CHST9: variants seen among roughly 807,000 people sequenced by gnomAD.
CHST9 encodes the protein GalNAc-4-sulfotransferase 2.
In CHST9, 41 loss-of-function variants were observed where a neutral mutation model predicts 44.4. The observed-to-expected ratio is 0.92, with a 90% CI of 0.72 to 1.20. The LOEUF is 1.20. Among genes scored for constraint, CHST9 ranks in the 50% most tolerant of loss-of-function variants. The pLI, the probability that CHST9 is intolerant of heterozygous loss-of-function variation, is 0.00. For missense variants in CHST9, 504 were observed against 516.5 expected, an observed-to-expected ratio of 0.98 and a Z score of 0.23; for synonymous variants, 171 against 178.4, an observed-to-expected ratio of 0.96 and a Z score of 0.33.
intron 1 of CHST9, among the ~76,000 whole-genome samples, chr18:27,144,148 C>T (rs1042447113): frequency 6.6e-6 from 1 of 152,118 alleles, no homozygotes; most frequent in East Asian, 1.9e-4. Context: ...GGCCACAGAA[C>T]ACAACCCCTC....
chr18:27,060,710 C>T (rs1184370460), intron 2 of CHST9, among the ~76,000 whole-genome samples: 1 of 152,206 alleles, frequency 6.6e-6, no homozygotes, highest in Non-Finnish European at 1.5e-5. Context: ...TCTCACATGA[C>T]ATGCATAAAA....
chr18:26,973,190 G>A (rs190951054), intron 4 of CHST9, among the ~76,000 whole-genome samples: 1 of 152,292 alleles, frequency 6.6e-6, no homozygotes, highest in Non-Finnish European at 1.5e-5. Flanking sequence ...GCAGTCTGCA[G>A]TCCTATAGTT....
At chr18:27,124,520 A>C (rs569989566) in intron 2 of CHST9, among the ~76,000 whole-genome samples, 2 of 152,198 alleles carry the variant, frequency 1.3e-5, no homozygotes, top group African/African-American at 4.8e-5. Context: ...CAGAATTAAA[A>C]CCCATTACAT....
rs368451929 is a variant in CHST9, at chr18:27,037,108, C to G, written c.160+11357G>C. 3.9e-5 allele frequency among the ~76,000 whole-genome samples: 6 copies of G among 152,276 alleles called. No individual in the cohort carries two copies. In the East Asian group the frequency reaches 1.2e-3, roughly 29 times the overall value. ...TTATTGTGTCACGTAGTATATTGCT[C>G]ATACAAATTCTGAAGTCAAATTGTT... On this transcript the variant is annotated intron_variant, in intron 3 of 5. Coordinates refer to ENST00000618847, the MANE Select transcript of CHST9 (RefSeq NM_031422.6).
At chr18:27,088,223 G>A (rs1385499419) in intron 2 of CHST9, among the ~76,000 whole-genome samples, 3 of 152,078 alleles carry the variant, frequency 2.0e-5, no homozygotes, top group Non-Finnish European at 4.4e-5. Context: ...CAATTAAAAG[G>A]TTGGAAAGAC....
At chr18:27,028,547 G>A (rs917475311) in intron 3 of CHST9, among the ~76,000 whole-genome samples, 2 of 151,838 alleles carry the variant, frequency 1.3e-5, no homozygotes, top group Non-Finnish European at 2.9e-5. Flanking sequence ...GCCAGTAAAA[G>A]TAACTTCTTT....
chr18:26,978,667 C>T (rs1055663307), intron 4 of CHST9, among the ~76,000 whole-genome samples: 3 of 152,104 alleles, frequency 2.0e-5, no homozygotes, highest in Non-Finnish European at 4.4e-5. Context: ...AGCCTCGTAA[C>T]CAGAGGGAAG....
intron 2 of CHST9, among the ~76,000 whole-genome samples, chr18:27,060,966 A>T (rs983250628): frequency 1.3e-5 from 2 of 152,160 alleles, no homozygotes; most frequent in Non-Finnish European, 2.9e-5. Context: ...TCATTAAAAG[A>T]TTTTTCTTGC....
intron 3 of CHST9, among the ~76,000 whole-genome samples, chr18:27,046,024 G>A (rs2057496039): frequency 6.6e-6 from 1 of 152,030 alleles, no homozygotes; most frequent in South Asian, 2.1e-4. Context: ...ATACATAGTA[G>A]AGCCATTTCA....
intron 2 of CHST9, among the ~76,000 whole-genome samples, chr18:27,093,556 C>T (rs1199851421): frequency 1.3e-5 from 2 of 152,232 alleles, no homozygotes; most frequent in African/African-American, 4.8e-5. Context: ...CTGAGCCAGG[C>T]ATGGGAGAGA....
intron 2 of CHST9, among the ~76,000 whole-genome samples, chr18:27,136,039 C>A (rs1598748324): frequency 1.3e-5 from 2 of 152,178 alleles, no homozygotes; most frequent in African/African-American, 4.8e-5. Context: ...AATGCAAATT[C>A]TTGGGCCTCA....
chr18:27,040,852 T>C lies in CHST9; in HGVS notation c.160+7613A>G, dbSNP rs1159507857. The stretch of plus-strand genomic sequence containing the variant: ...GTTAGAAATAAGCACCTCATTTTTT[T>C]ACCCTGTGTGAAAATCAGGTATGAC... On this transcript the variant is annotated intron_variant, in intron 3 of 5. Coordinates refer to ENST00000618847, the MANE Select transcript of CHST9 (RefSeq NM_031422.6). Among the ~76,000 whole-genome samples, 6 of 152,164 alleles carry C rather than the reference T, an allele frequency of 3.9e-5. No individual in the cohort carries two copies. In the South Asian group the frequency reaches 1.2e-3, roughly 32 times the overall value.
intron 4 of CHST9, among the ~76,000 whole-genome samples, chr18:27,003,973 G>A (rs989284240): frequency 6.6e-6 from 1 of 151,528 alleles, no homozygotes; most frequent in Non-Finnish European, 1.5e-5. Context: ...TTACCATCAC[G>A]TTTAGGTAAA....
At chr18:27,042,281 A>G (rs2057453851) in intron 3 of CHST9, among the ~76,000 whole-genome samples, 1 of 152,098 alleles carries the variant, frequency 6.6e-6, no homozygotes, top group Admixed American at 6.6e-5. Context: ...AGTGACCTTG[A>G]CCAAGTCACA....
chr18:27,146,360 T>C (rs563170212), intron 1 of CHST9, among the ~76,000 whole-genome samples: 1 of 152,240 alleles, frequency 6.6e-6, no homozygotes, highest in African/African-American at 2.4e-5. Context: ...TATGTTTGAT[T>C]TTCTCCCATC....
In CHST9 at chr18:27,081,584, T is replaced by C. The variant is rs541796806; in HGVS notation, c.122-33081A>G. Among the ~76,000 whole-genome samples the C allele has an allele frequency of 3.3e-5, 5 of 152,308 alleles. No individual in the cohort carries two copies. The East Asian group carries it at 9.6e-4, about 29-fold the overall frequency. ...ATTTCTTGAGGGTGGAGGCTTTGTC[T>C]TTTTATATTTACGTTTCCTGGGTGT... On this transcript the variant is annotated intron_variant, in intron 2 of 5. Coordinates refer to ENST00000618847, the MANE Select transcript of CHST9 (RefSeq NM_031422.6).
intron 4 of CHST9, among the ~76,000 whole-genome samples, chr18:27,010,583 C>T (rs755000617): frequency 1.2e-4 from 18 of 152,054 alleles, no homozygotes; most frequent in South Asian, 2.1e-4. Flanking sequence ...GGATGAGGAA[C>T]GAAACTGCTC....
At chr18:27,128,714 T>C (rs917051274) in intron 2 of CHST9, among the ~76,000 whole-genome samples, 3 of 152,254 alleles carry the variant, frequency 2.0e-5, no homozygotes, top group Non-Finnish European at 4.4e-5. Context: ...GGTTAAATGA[T>C]TTTTGGGTTA....
Position 26,909,562 on chromosome 18 carries a change from C to CA in CHST9, c.*6696dup, listed in dbSNP as rs1344707423. On this transcript the variant is annotated 3_prime_UTR_variant, in exon 6 of 6. Coordinates refer to ENST00000618847, the MANE Select transcript of CHST9 (RefSeq NM_031422.6). ...AATATTGTTCTTTTAAGTTGGTAGA[C>CA]ACTCTAGCATTCTGAGTGCATTTTT... 1.3e-5 allele frequency: 2 copies of CA among 152,140 alleles called. No individual in the cohort carries two copies. The highest frequency in any genetic ancestry group is 2.9e-5 in the Non-Finnish European group (2 of 68,038). The allele number at this position is 152,140 out of a possible 1,614,324, so 9.4% of individuals were successfully genotyped here. A position where few individuals can be genotyped will look rare whatever the true frequency, so the allele number is the denominator to read the frequency against.
Sources: gnomAD v4.1 joint callset for allele counts (sites outside exome capture counted in the v4.1 genomes callset) on GRCh38, gnomAD v4.1.1 for gene constraint, MANE v1.5 for transcripts, NCBI Gene and HGNC (gene_info 2026-07-23, HGNC 2026-07-21) for gene names.